The following BATF3 variants were observed in gnomAD, a reference collection of about 807,000 sequenced individuals.
BATF3 encodes basic leucine zipper transcriptional factor ATF-like 3.
A neutral mutation model predicts 16.1 loss-of-function variants in BATF3; 8 were observed. The ratio of observed to expected loss-of-function variants is 0.50; its 90% CI spans 0.29 to 0.90. BATF3 has a LOEUF of 0.90. Among genes scored for constraint, BATF3 ranks in the 40% least tolerant of loss-of-function variants. The pLI, the probability that BATF3 is intolerant of heterozygous loss-of-function variation, is 0.08. For missense variants in BATF3, 139 were observed against 167.0 expected, an observed-to-expected ratio of 0.83 and a Z score of 0.92; for synonymous variants, 74 against 72.7, an observed-to-expected ratio of 1.02 and a Z score of -0.09.
intron 2 of BATF3, among the ~76,000 whole-genome samples, chr1:212,695,811 G>A (rs571281350): frequency 6.6e-6 from 1 of 152,334 alleles, no homozygotes; most frequent in African/African-American, 2.4e-5. Context: ...CCAACTGCAG[G>A]ATTATGCAGG....
Position 212,696,988 on chromosome 1 carries a change from C to T in BATF3, c.168G>A (p.Gln56=). Residue 56 remains glutamine (Q), a synonymous_variant, in exon 2 of 3, where the codon CAG becomes CAA. Coordinates refer to ENST00000243440, the MANE Select transcript of BATF3 (RefSeq NM_018664.3). ...CATGGAGCTTGTCAGCCTTCTGGGT[C>T]TGCTTCTTCCGACTTCTCTGAGCAG... The part of the protein sequence containing the change: ...RVAAQRSRKK[Q]TQKADKLHEE... 1 of 1,614,184 alleles carries T rather than the reference C, an allele frequency of 6.2e-7. No individual in the cohort carries two copies. The highest frequency in any genetic ancestry group is 8.5e-7 in the Non-Finnish European group (1 of 1,180,018).
Position 212,689,706 on chromosome 1 carries a change from C to T in BATF3, c.196-2727G>A, listed in dbSNP as rs934902640. 2.6e-5 allele frequency among the ~76,000 whole-genome samples: 4 copies of T among 151,928 alleles called. No individual in the cohort carries two copies. The highest frequency in any genetic ancestry group is 9.7e-5 in the African/African-American group (4 of 41,338). ...GCACACACACACGTCTGCAAACACA[C>T]ACTCACACACTCTCATACACATTCA... On this transcript the variant is annotated intron_variant, in intron 2 of 2. Transcript: ENST00000243440. This position sits in a 1 kb window ranked among gnomAD's most constrained non-coding sequence, Gnocchi z 4.6.
intron 2 of BATF3, among the ~76,000 whole-genome samples, chr1:212,690,492 GAGA>G (rs1656976780): frequency 6.6e-6 from 1 of 152,148 alleles, no homozygotes; most frequent in South Asian, 2.1e-4. Flanking sequence ...ATAACAAGAA[GAGA>G]AGAAGTCAAA....
intron 1 of BATF3, chr1:212,698,174 C>T (rs967462556): frequency 6.6e-6 from 1 of 152,164 alleles, no homozygotes; most frequent in Non-Finnish European, 1.5e-5. Flanking sequence ...TATGATAATA[C>T]AGTCTTCTAG....
chr1:212,694,286 A>C (rs1657074607), intron 2 of BATF3, among the ~76,000 whole-genome samples: 1 of 152,202 alleles, frequency 6.6e-6, no homozygotes, highest in Non-Finnish European at 1.5e-5. Context: ...CAAAGCTGGA[A>C]GATAGTAAAT....
intron 2 of BATF3, among the ~76,000 whole-genome samples, chr1:212,688,624 C>T (rs1031218415): frequency 6.6e-6 from 1 of 152,212 alleles, no homozygotes; most frequent in Non-Finnish European, 1.5e-5. Flanking sequence ...TGACAGCACA[C>T]AGCTTTAAGC....
At chr1:212,694,985 T>TAAG (rs1378503611) in intron 2 of BATF3, among the ~76,000 whole-genome samples, 1 of 152,228 alleles carries the variant, frequency 6.6e-6, no homozygotes, top group African/African-American at 2.4e-5. Flanking sequence ...GTTAGAGTTT[T>TAAG]AAGATTGCCC....
rs564148808 is a variant in BATF3, at chr1:212,690,387, C to A, written c.196-3408G>T. ...TCAGAGCCGCCCGACAGGTGCCCCA[C>A]GGGCCCCTCATCTGCCTTCTCCATA... On this transcript the variant is annotated intron_variant, in intron 2 of 2. Coordinates refer to ENST00000243440, the MANE Select transcript of BATF3 (RefSeq NM_018664.3). Among the ~76,000 whole-genome samples the A allele has an allele frequency of 1.6e-4, 25 of 152,360 alleles. 2 individuals carry two copies. Among genetic ancestry groups the A allele is most frequent in the African/African-American group, 6.0e-4 (25 of 41,576 alleles).
chr1:212,696,981 T>G lies in BATF3; in HGVS notation c.175A>C (p.Lys59Gln). Reference sequence around the variant, plus strand: ...CTCACCTCATGGAGCTTGTCAGCCTTCTGGGTCTGCTTCTTCCGACTTCTC... The same window carrying G: ...CTCACCTCATGGAGCTTGTCAGCCTGCTGGGTCTGCTTCTTCCGACTTCTC... Reference protein sequence around the residue: ...AQRSRKKQTQKADKLHEEYES... With the variant: ...AQRSRKKQTQQADKLHEEYES... Residue 59 changes from lysine to glutamine, a missense_variant, in exon 2 of 3, where the codon AAG becomes CAG. Transcript: ENST00000243440. 1 of 1,614,172 alleles carries G rather than the reference T, an allele frequency of 6.2e-7. No individual in the cohort carries two copies. Among genetic ancestry groups the G allele is most frequent in the Non-Finnish European group, 8.5e-7 (1 of 1,180,012 alleles).
intron 1 of BATF3, chr1:212,698,157 A>T (rs900685939): frequency 1.3e-5 from 2 of 152,234 alleles, no homozygotes; most frequent in Admixed American, 1.3e-4. Flanking sequence ...AGCTTAAGGG[A>T]ACAAAGTATG....
chr1:212,694,389 C>A (rs986853989), intron 2 of BATF3, among the ~76,000 whole-genome samples: 2 of 152,138 alleles, frequency 1.3e-5, no homozygotes, highest in African/African-American at 4.8e-5. Flanking sequence ...AGGCTTCCCA[C>A]CGACAGGCAA....
At chr1:212,692,789 T>C (rs537956917) in intron 2 of BATF3, among the ~76,000 whole-genome samples, 38 of 152,330 alleles carry the variant, frequency 2.5e-4, no homozygotes, top group Non-Finnish European at 4.1e-4. Flanking sequence ...CCTCAGGATA[T>C]GCAAGAAATG....
chr1:212,691,643 C>A (rs1657001104), intron 2 of BATF3, among the ~76,000 whole-genome samples: 1 of 152,250 alleles, frequency 6.6e-6, no homozygotes, highest in Non-Finnish European at 1.5e-5. Flanking sequence ...TCTGAAAAAA[C>A]CATGGCAACA....
Position 212,696,446 on chromosome 1 carries a change from G to GTGTGTGTA in BATF3, c.195+514_195+515insTACACACA, listed in dbSNP as rs1657133281. Among the ~76,000 whole-genome samples, 10 of 151,374 alleles carry GTGTGTGTA rather than the reference G, an allele frequency of 6.6e-5. No individual in the cohort carries two copies. The South Asian group carries it at 2.1e-3, about 32-fold the overall frequency. On this transcript the variant is annotated intron_variant, in intron 2 of 2. Transcript: ENST00000243440. ...AGGGTGTGTGTGTGTGTGTGTGTGT[G>GTGTGTGTA]TGTACACACACACATTGGGTACATG...
At chr1:212,697,311 G>A (rs1657156474) in intron 1 of BATF3, 1 of 417,976 alleles carries the variant, frequency 2.4e-6, no homozygotes, top group Non-Finnish European at 4.4e-6. Context: ...GAGAGGTTAA[G>A]GACCTTGCTC....
At chr1:212,695,054 G>A (rs964128372) in intron 2 of BATF3, among the ~76,000 whole-genome samples, 7 of 152,180 alleles carry the variant, frequency 4.6e-5, no homozygotes, top group Admixed American at 2.6e-4. Context: ...GCCCCAGAAT[G>A]GCCTTGCTGA....
rs1246149185 is a variant in BATF3 at position 212,699,407 on chromosome 1, C to T, written c.90+266G>A. Among the ~76,000 whole-genome samples the T allele has an allele frequency of 5.3e-5, 8 of 152,128 alleles. No individual in the cohort carries two copies. The highest frequency in any genetic ancestry group is 4.4e-5 in the Non-Finnish European group (3 of 67,990). On this transcript the variant is annotated intron_variant, in intron 1 of 2. Coordinates refer to ENST00000243440, the MANE Select transcript of BATF3 (RefSeq NM_018664.3). The surrounding 1 kb of genome is among the most constrained non-coding windows in gnomAD (Gnocchi z 4.4). Reference sequence around the variant, plus strand: ...CATGCCCGGCCCAGCCAGGCGTCGGCGCCCTCGGGCTTCTTCCCCCAGAGG... The same window carrying T: ...CATGCCCGGCCCAGCCAGGCGTCGGTGCCCTCGGGCTTCTTCCCCCAGAGG...
At chr1:212,688,892 A>G (rs1656927320) in intron 2 of BATF3, among the ~76,000 whole-genome samples, 1 of 152,148 alleles carries the variant, frequency 6.6e-6, no homozygotes, top group Non-Finnish European at 1.5e-5. Context: ...CTGACTAGTA[A>G]TTTTAAGGGA....
chr1:212,687,869 A>G (rs923705090), intron 2 of BATF3, among the ~76,000 whole-genome samples: 1 of 151,504 alleles, frequency 6.6e-6, no homozygotes, highest in Non-Finnish European at 1.5e-5. Context: ...CGAGGCTGCA[A>G]TAAGCCATGA....
Sources: allele counts gnomAD v4.1 joint callset (sites outside exome capture counted in the v4.1 genomes callset), GRCh38; gene constraint gnomAD v4.1.1; non-coding constraint Gnocchi (gnomAD v3.1); transcripts MANE v1.5; gene names NCBI Gene and HGNC (gene_info 2026-07-23, HGNC 2026-07-21).